LUZP2: variants seen among roughly 807,000 people sequenced by gnomAD.
The protein encoded by LUZP2 is leucine zipper protein 2.
Under a neutral mutation model 51.6 loss-of-function variants are expected in LUZP2, and 52 were observed. The observed-to-expected ratio is 1.01, with a 90% CI of 0.81 to 1.27. The LOEUF is 1.27. Ranked by LOEUF, LUZP2 falls within the 50% of genes most tolerant of loss-of-function variation. The probability of loss-of-function intolerance (pLI) is 0.00; values close to 1 mark genes in which losing one functional copy is unlikely to be tolerated. For missense variants in LUZP2, 436 were observed against 395.4 expected (o/e 1.10, Z -0.87); for synonymous variants, 154 against 137.3 (o/e 1.12, Z -0.85).
At chr11:24,999,021 A>G (rs1346986343) in intron 9 of LUZP2, among the ~76,000 whole-genome samples, 2 of 152,122 alleles carry the variant, frequency 1.3e-5, no homozygotes, top group African/African-American at 4.8e-5. Context: ...AATGTCTTTA[A>G]TCTCTTAACT....
chr11:24,882,991 GA>G (rs1292336795), intron 5 of LUZP2, among the ~76,000 whole-genome samples: 6 of 140,772 alleles, frequency 4.3e-5, no homozygotes, highest in African/African-American at 1.8e-4. Context: ...AGGAAGGAAG[GA>G]AAGAAAAGAA....
chr11:24,823,770 A>T (rs1850432583), intron 5 of LUZP2, among the ~76,000 whole-genome samples: 1 of 152,188 alleles, frequency 6.6e-6, no homozygotes, highest in Non-Finnish European at 1.5e-5. Context: ...AGGCTTAGAA[A>T]ATGAGTGGTA....
intron 5 of LUZP2, among the ~76,000 whole-genome samples, chr11:24,871,458 T>C (rs917356778): frequency 6.6e-6 from 1 of 152,080 alleles, no homozygotes; most frequent in African/African-American, 2.4e-5. Context: ...AAATCACTCT[T>C]CTGTACATTT....
At chr11:24,689,047 G>C (rs2133885051) in intron 1 of LUZP2, among the ~76,000 whole-genome samples, 1 of 152,236 alleles carries the variant, frequency 6.6e-6, no homozygotes, top group African/African-American at 2.4e-5. Context: ...ATAAGGCAGA[G>C]GGAGAGACCG....
At chr11:24,510,298 G>A (rs937883091) in intron 1 of LUZP2, among the ~76,000 whole-genome samples, 14 of 152,188 alleles carry the variant, frequency 9.2e-5, no homozygotes, top group Admixed American at 3.9e-4. Flanking sequence ...GAAGCCACAG[G>A]TACCAGCCTG....
chr11:24,577,713 A>G (rs1393345653), intron 1 of LUZP2, among the ~76,000 whole-genome samples: 1 of 152,140 alleles, frequency 6.6e-6, no homozygotes, highest in Non-Finnish European at 1.5e-5. Flanking sequence ...ATGTATATAC[A>G]TGTTTATTCT....
chr11:25,006,780 A>C (rs961134821), intron 9 of LUZP2, among the ~76,000 whole-genome samples: 1 of 152,162 alleles, frequency 6.6e-6, no homozygotes, highest in Non-Finnish European at 1.5e-5. Flanking sequence ...GAATGAAGCC[A>C]TAGACCCATG....
At chr11:24,522,734 A>G (rs1247446828) in intron 1 of LUZP2, among the ~76,000 whole-genome samples, 2 of 152,078 alleles carry the variant, frequency 1.3e-5, no homozygotes, top group Non-Finnish European at 2.9e-5. Context: ...CGTCTTTTTG[A>G]CAATAAGAAA....
chr11:24,629,442 CATAT>C (rs1004688557), intron 1 of LUZP2, among the ~76,000 whole-genome samples: 8 of 148,010 alleles, frequency 5.4e-5, no homozygotes, highest in African/African-American at 1.7e-4. Context: ...TATTCCATTG[CATAT>C]ATATATATGC....
chr11:24,791,649 A>T (rs76992844), intron 5 of LUZP2, among the ~76,000 whole-genome samples: 1 of 152,054 alleles, frequency 6.6e-6, no homozygotes, highest in African/African-American at 2.4e-5. Flanking sequence ...TATAAACTAA[A>T]TTTTTCATTG....
intron 7 of LUZP2, among the ~76,000 whole-genome samples, chr11:24,933,640 A>G (rs1359525082): frequency 2.0e-5 from 3 of 152,218 alleles, no homozygotes; most frequent in East Asian, 3.9e-4. Flanking sequence ...TAATGATTAT[A>G]GATTTACATA....
At chr11:24,566,913 ATATATG>A (rs1374862603) in intron 1 of LUZP2, among the ~76,000 whole-genome samples, 1 of 2,892 alleles carries the variant, frequency 3.5e-4, no homozygotes, top group African/African-American at 1.3e-3. Flanking sequence ...TTATATATAT[ATATATG>A]TATATATGTA....
chr11:24,566,621 T>TACACAC lies in LUZP2; in HGVS notation c.62+69317_62+69318insCACACA, dbSNP rs201984448. Among the ~76,000 whole-genome samples, 6 of 136,670 alleles carry TACACAC rather than the reference T, an allele frequency of 4.4e-5. No homozygotes were observed. In the East Asian group the frequency reaches 1.2e-3, roughly 28 times the overall value. 89.7% of individuals were successfully genotyped at this position (136,670 alleles called of 152,430 possible). ...ATATATATATGTATGTATGTATAGA[T>TACACAC]ATACACACACACACACACACACACA... On this transcript the variant is annotated intron_variant, in intron 1 of 11. Coordinates refer to ENST00000336930, the MANE Select transcript of LUZP2 (RefSeq NM_001009909.4).
intron 1 of LUZP2, among the ~76,000 whole-genome samples, chr11:24,593,765 A>G (rs1158217831): frequency 3.3e-5 from 5 of 152,196 alleles, no homozygotes; most frequent in African/African-American, 9.7e-5. Context: ...TAGATATGAC[A>G]TGACATCTCT....
intron 8 of LUZP2, 44 bp downstream of exon 8, chr11:24,976,709 A>T: frequency 7.8e-5 from 1 of 12,878 alleles, no homozygotes; most frequent in Non-Finnish European, 2.4e-4. Context: ...GTTTTAGCAA[A>T]AAAAAAAAAA....
At chr11:24,564,671 G>T (rs1442736243) in intron 1 of LUZP2, among the ~76,000 whole-genome samples, 1 of 152,110 alleles carries the variant, frequency 6.6e-6, no homozygotes, top group Non-Finnish European at 1.5e-5. Flanking sequence ...TGTTGATAAA[G>T]TGTTTGAGGG....
At chr11:24,838,266 GT>G (rs1289321040) in intron 5 of LUZP2, among the ~76,000 whole-genome samples, 1 of 151,530 alleles carries the variant, frequency 6.6e-6, no homozygotes, top group Non-Finnish European at 1.5e-5. Context: ...AATAATTTAT[GT>G]TTTATGGCAT....
intron 5 of LUZP2, among the ~76,000 whole-genome samples, chr11:24,816,724 T>A (rs775804817): frequency 1.3e-5 from 2 of 152,076 alleles, no homozygotes; most frequent in Non-Finnish European, 1.5e-5. Context: ...TTTACAAACA[T>A]TAGTTATTTC....
chr11:24,928,003 TA>T (rs958558380), intron 7 of LUZP2, among the ~76,000 whole-genome samples: 10 of 150,766 alleles, frequency 6.6e-5, no homozygotes, highest in African/African-American at 1.2e-4. Flanking sequence ...GCAGCTATTG[TA>T]AAAAAAAAGT....
Sources: allele counts gnomAD v4.1 joint callset (sites outside exome capture counted in the v4.1 genomes callset), GRCh38; gene constraint gnomAD v4.1.1; transcripts MANE v1.5; gene names NCBI Gene and HGNC (gene_info 2026-07-23, HGNC 2026-07-21).